The following RGS6 variants were observed in gnomAD, a reference collection of about 807,000 sequenced individuals.
RGS6 encodes the protein regulator of G protein signaling 6.
Under a neutral mutation model 78.5 loss-of-function variants are expected in RGS6, and 30 were observed. The observed-to-expected ratio is 0.38, with a 90% CI of 0.29 to 0.52. RGS6 has a LOEUF of 0.52. RGS6 is among the 20% of genes least tolerant of loss of function. The probability of loss-of-function intolerance (pLI) is 0.85; values close to 1 mark genes in which losing one functional copy is unlikely to be tolerated. For missense variants in RGS6, 495 were observed against 609.7 expected (o/e 0.81, Z 1.98); for synonymous variants, 206 against 206.0 (o/e 1.00, Z 0.00).
intron 2 of RGS6, among the ~76,000 whole-genome samples, chr14:72,284,512 T>G (rs562457695): frequency 2.4e-4 from 37 of 152,230 alleles, no homozygotes; most frequent in African/African-American, 8.9e-4. Context: ...CACACAGAAG[T>G]TAAGAATTGA....
chr14:72,187,503 T>G lies in RGS6; in HGVS notation c.85-164592T>G, dbSNP rs10483842. 1.3e-5 allele frequency among the ~76,000 whole-genome samples: 2 copies of G among 152,170 alleles called. 1 individual carries two copies. The highest frequency in any genetic ancestry group is 4.1e-4 in the South Asian group (2 of 4,824). On this transcript the variant is annotated intron_variant, in intron 2 of 17. Coordinates refer to ENST00000553525, the MANE Select transcript of RGS6 (RefSeq NM_001204424.2). ...GGTGGTGGACTTGAGTGTCTACTTATGCGCAGAGATTTTCAGTCTTTTATT... is the reference window on the plus strand; with the variant it reads ...GGTGGTGGACTTGAGTGTCTACTTAGGCGCAGAGATTTTCAGTCTTTTATT...
chr14:72,259,270 T>C (rs2057672101), intron 2 of RGS6, among the ~76,000 whole-genome samples: 1 of 152,214 alleles, frequency 6.6e-6, no homozygotes, highest in Admixed American at 6.5e-5. Flanking sequence ...AGATGATCAG[T>C]TAATATTGTA....
the RGS6 span, among the ~76,000 whole-genome samples, chr14:71,871,048 C>T: frequency 2.6e-5 from 4 of 152,296 alleles, no homozygotes; most frequent in East Asian, 7.7e-4. Context: ...CTTTCCCCAG[C>T]CCAGGGGTTC....
intron 2 of RGS6, among the ~76,000 whole-genome samples, chr14:72,203,804 G>A (rs2042103755): frequency 6.9e-6 from 1 of 145,356 alleles, no homozygotes; most frequent in Admixed American, 7.2e-5. Flanking sequence ...ATTTGCTATT[G>A]TAACCTTTCT....
At chr14:72,218,719 C>G (rs1021414216) in intron 2 of RGS6, among the ~76,000 whole-genome samples, 1 of 152,080 alleles carries the variant, frequency 6.6e-6, no homozygotes, top group African/African-American at 2.4e-5. Context: ...TCAAGTGATT[C>G]TCCTGTCTCA....
chr14:72,548,099 C>T (rs1282279107), intron 17 of RGS6, among the ~76,000 whole-genome samples: 1 of 152,182 alleles, frequency 6.6e-6, no homozygotes, highest in South Asian at 2.1e-4. Flanking sequence ...ATTAATCCGT[C>T]TATGTCCGCT....
chr14:72,490,697 A>C (rs75197283), intron 12 of RGS6, among the ~76,000 whole-genome samples: 2,333 of 152,362 alleles, frequency 0.015, 64 homozygotes, highest in East Asian at 0.095. Context: ...AACTGGGACC[A>C]CTGCTGCTTC....
chr14:71,896,907 G>A, the RGS6 span, among the ~76,000 whole-genome samples: 1 of 152,308 alleles, frequency 6.6e-6, no homozygotes, highest in African/African-American at 2.4e-5. Context: ...TGTAAGTAGT[G>A]GCAGCTATCA....
chr14:72,559,264 C>CA (rs1463734398), intron 17 of RGS6, among the ~76,000 whole-genome samples: 4 of 152,238 alleles, frequency 2.6e-5, no homozygotes, highest in Admixed American at 6.5e-5. Context: ...TGGGGCAGCT[C>CA]ATCTCTGAAC....
intron 2 of RGS6, among the ~76,000 whole-genome samples, chr14:72,195,608 A>G (rs1344220415): frequency 6.6e-6 from 1 of 152,192 alleles, no homozygotes; most frequent in Admixed American, 6.5e-5. Context: ...CGAAGAGCTG[A>G]AGAGGTAGAA....
the RGS6 span, among the ~76,000 whole-genome samples, chr14:72,606,115 C>T: frequency 6.6e-6 from 1 of 151,968 alleles, no homozygotes; most frequent in Non-Finnish European, 1.5e-5. Context: ...TATTCTAGAA[C>T]AATGTAAACC....
At chr14:71,884,821 G>A in the RGS6 span, among the ~76,000 whole-genome samples, 78 of 152,216 alleles carry the variant, frequency 5.1e-4, no homozygotes, top group African/African-American at 1.8e-3. Context: ...TTTCCCTGGG[G>A]CCAGAACTAG....
At chr14:72,253,999 G>A (rs968720421) in intron 2 of RGS6, among the ~76,000 whole-genome samples, 9 of 152,154 alleles carry the variant, frequency 5.9e-5, no homozygotes, top group African/African-American at 1.9e-4. Flanking sequence ...TATAATGTTT[G>A]CGTTGTAGAC....
chr14:71,984,453 C>T (rs150091377), intron 2 of RGS6, among the ~76,000 whole-genome samples: 1,874 of 120,354 alleles, frequency 0.016, 37 homozygotes, highest in African/African-American at 0.055. Context: ...GAGACCAGCC[C>T]GTGCAATATA....
intron 2 of RGS6, among the ~76,000 whole-genome samples, chr14:72,157,474 T>G (rs2096789188): frequency 6.6e-6 from 1 of 152,232 alleles, no homozygotes; most frequent in South Asian, 2.1e-4. Flanking sequence ...AGAGGTGCTA[T>G]GTGTGGCTGA....
At chr14:72,558,937 C>T (rs1274476421) in intron 17 of RGS6, among the ~76,000 whole-genome samples, 2 of 152,230 alleles carry the variant, frequency 1.3e-5, no homozygotes, top group African/African-American at 2.4e-5. Flanking sequence ...CGCTCAGCTA[C>T]GCCAAGGCCT....
chr14:72,557,334 A>G (rs1021824672), intron 17 of RGS6, among the ~76,000 whole-genome samples: 1 of 152,228 alleles, frequency 6.6e-6, no homozygotes, highest in African/African-American at 2.4e-5. Context: ...AGTTTTAGAC[A>G]TCATTGAGGA....
intron 2 of RGS6, among the ~76,000 whole-genome samples, chr14:72,267,354 A>C (rs1350327437): frequency 1.3e-5 from 2 of 148,944 alleles, no homozygotes; most frequent in Admixed American, 6.8e-5. Context: ...TCCATAAATA[A>C]AGTTTCTTTG....
intron 2 of RGS6, among the ~76,000 whole-genome samples, chr14:72,122,764 A>G (rs1361064736): frequency 1.4e-5 from 2 of 138,528 alleles, no homozygotes; most frequent in South Asian, 4.5e-4. Context: ...TTTCCATTCT[A>G]TATACTCCCT....
Sources: gnomAD v4.1 joint callset for allele counts (sites outside exome capture counted in the v4.1 genomes callset) on GRCh38, gnomAD v4.1.1 for gene constraint, MANE v1.5 for transcripts, NCBI Gene and HGNC (gene_info 2026-07-23, HGNC 2026-07-21) for gene names.